Variants in DKK2 observed in about 807,000 individuals in gnomAD.
DKK2 encodes dickkopf-related protein 2.
A neutral mutation model predicts 28.1 loss-of-function variants in DKK2; 11 were observed. The ratio of observed to expected loss-of-function variants is 0.39; its 90% CI spans 0.25 to 0.65. DKK2 has a LOEUF of 0.65. DKK2 is among the 30% of genes least tolerant of loss of function. The probability of loss-of-function intolerance (pLI) is 0.47; values close to 1 mark genes in which losing one functional copy is unlikely to be tolerated. For synonymous variants in DKK2, 135 were observed against 126.5 expected (o/e 1.07, Z -0.45); for missense variants, 326 against 335.5 (o/e 0.97, Z 0.22).
intron 1 of DKK2, among the ~76,000 whole-genome samples, chr4:107,020,756 T>C (rs1041476079): frequency 4.6e-5 from 7 of 151,994 alleles, no homozygotes; most frequent in African/African-American, 1.5e-4. Context: ...AAATAATTTT[T>C]GACAGGCTTT....
intron 1 of DKK2, among the ~76,000 whole-genome samples, chr4:106,973,138 A>T (rs1414156205): frequency 6.6e-6 from 1 of 152,150 alleles, no homozygotes; most frequent in African/African-American, 2.4e-5. Flanking sequence ...CCACTCTATC[A>T]TTGATGGGCA....
At chr4:106,948,560 G>T (rs116265277) in intron 1 of DKK2, among the ~76,000 whole-genome samples, 13 of 152,250 alleles carry the variant, frequency 8.5e-5, no homozygotes, top group African/African-American at 3.1e-4. Flanking sequence ...AAAAGAGTTT[G>T]CCAGCTTAAA....
chr4:106,996,136 A>G lies in DKK2; in HGVS notation c.222+39234T>C, dbSNP rs1270024187. 4.2e-4 allele frequency among the ~76,000 whole-genome samples: 64 copies of G among 152,234 alleles called. 1 individual carries two copies. Among genetic ancestry groups the G allele is most frequent in the Admixed American group, 4.2e-3 (64 of 15,278 alleles). ...TGCAATGAAAGTCAAAGAGAATTGT[A>G]TTGACAATGTATATTTGTCATTCTG... is the stretch of plus-strand genomic sequence containing the variant. On this transcript the variant is annotated intron_variant, in intron 1 of 3. Transcript: ENST00000285311.
Position 106,924,527 on chromosome 4 carries a change from A to C in DKK2, c.529+18T>G, listed in dbSNP as rs764026579. 1.3e-5 allele frequency: 21 copies of C among 1,609,620 alleles called. No homozygotes were observed. Among genetic ancestry groups the C allele is most frequent in the Admixed American group, 3.4e-5 (2 of 59,274 alleles). ...TTTCTTTATTTTAAAAAAACCCCAG[A>C]ACTACAGATATCCCTACCTTTTATA... On this transcript the variant is annotated intron_variant, in intron 3 of 3. Coordinates refer to ENST00000285311, the MANE Select transcript of DKK2 (RefSeq NM_014421.3).
chr4:106,980,831 ACAATCTATAAAGGGTAGTC>A (rs1723016684), intron 1 of DKK2, among the ~76,000 whole-genome samples: 1 of 152,208 alleles, frequency 6.6e-6, no homozygotes, highest in Non-Finnish European at 1.5e-5. Context: ...TGGAGAATGA[ACAATCTATAAAGGGTAGTC>A]CAATCCACCA....
chr4:107,035,279 G>A (rs1376639930), intron 1 of DKK2, 91 bp downstream of exon 1: 12 of 1,443,524 alleles, frequency 8.3e-6, no homozygotes, highest in East Asian at 2.3e-5. Context: ...GCCACGCTCC[G>A]AATGTTGCAA....
rs774248896 is a variant in DKK2 at position 106,925,836 on chromosome 4, T to C, written c.336A>G (p.Arg112=). The part of the protein sequence containing the change: ...VCRRKKKRCH[R]DGMCCPSTRC... Reference sequence around the variant, plus strand: ...GGGTACTGGGGCAGCACATGCCATCTCGGTGGCAGCGCTTCTTTTTTCTCC... The same window carrying C: ...GGGTACTGGGGCAGCACATGCCATCCCGGTGGCAGCGCTTCTTTTTTCTCC... Residue 112 remains arginine, a synonymous_variant, in exon 2 of 4, where the codon CGA becomes CGG. Coordinates refer to ENST00000285311, the MANE Select transcript of DKK2 (RefSeq NM_014421.3). 6 of 1,613,530 alleles carry C rather than the reference T, an allele frequency of 3.7e-6. No homozygotes were observed. In the South Asian group the frequency reaches 6.6e-5, roughly 18 times the overall value.
At chr4:106,959,302 G>A (rs891463181) in intron 1 of DKK2, among the ~76,000 whole-genome samples, 3 of 152,000 alleles carry the variant, frequency 2.0e-5, no homozygotes, top group Admixed American at 6.6e-5. Context: ...TTTTATGAGC[G>A]CCTGATTGCC....
chr4:106,924,543 A>G lies in DKK2; in HGVS notation c.529+2T>C. The stretch of plus-strand genomic sequence containing the variant: ...AAACCCCAGAACTACAGATATCCCT[A>G]CCTTTTATATGTGACATCTTAGTGT... On this transcript the variant is annotated splice_donor_variant, in intron 3 of 3. Coordinates refer to ENST00000285311, the MANE Select transcript of DKK2 (RefSeq NM_014421.3). LOFTEE classifies it high-confidence loss of function. 7 of 1,612,868 alleles carry G rather than the reference A, an allele frequency of 4.3e-6. No individual in the cohort carries two copies. The highest frequency in any genetic ancestry group is 5.9e-6 in the Non-Finnish European group (7 of 1,179,312).
At position 107,019,113 on chromosome 4, in the gene DKK2, GT is replaced by G. The variant is rs1723654019; in HGVS notation, c.222+16256del. On this transcript the variant is annotated intron_variant, in intron 1 of 3. Coordinates refer to ENST00000285311, the MANE Select transcript of DKK2 (RefSeq NM_014421.3). The stretch of plus-strand genomic sequence containing the variant: ...ACGAGAAGATAAGAACTTCAACAAC[GT>G]TTCCAGAGTTTACGGGCACGGCTGT... 5.9e-5 allele frequency among the ~76,000 whole-genome samples: 9 copies of G among 151,994 alleles called. 1 individual carries two copies. The highest frequency in any genetic ancestry group is 5.9e-4 in the Admixed American group (9 of 15,250).
At chr4:106,998,425 C>G (rs1231902881) in intron 1 of DKK2, among the ~76,000 whole-genome samples, 1 of 152,110 alleles carries the variant, frequency 6.6e-6, no homozygotes, top group Non-Finnish European at 1.5e-5. Context: ...ATCTATCTTC[C>G]TTTACTCCCA....
chr4:106,927,025 AT>A (rs1460780666), intron 1 of DKK2, among the ~76,000 whole-genome samples: 48 of 152,106 alleles, frequency 3.2e-4, no homozygotes, highest in African/African-American at 1.2e-3. Context: ...TTTGAAGTTG[AT>A]ATTTTTCTCA....
chr4:107,019,089 C>T (rs746328988), intron 1 of DKK2, among the ~76,000 whole-genome samples: 4 of 151,908 alleles, frequency 2.6e-5, no homozygotes, highest in African/African-American at 7.3e-5. Flanking sequence ...TCCTCAGAAA[C>T]GAGAAGATAA....
At chr4:107,008,289 A>T (rs1723466429) in intron 1 of DKK2, among the ~76,000 whole-genome samples, 1 of 152,108 alleles carries the variant, frequency 6.6e-6, no homozygotes, top group African/African-American at 2.4e-5. Context: ...TGGGTGTATG[A>T]TGGTGAAAAA....
In DKK2 at chr4:106,925,832, C is replaced by T; in HGVS notation, c.340G>A (p.Gly114Ser). The T allele has an allele frequency of 6.2e-7, 1 of 1,611,656 alleles. No homozygotes were observed. Among genetic ancestry groups the T allele is most frequent in the Non-Finnish European group, 8.5e-7 (1 of 1,179,130 alleles). The stretch of plus-strand genomic sequence containing the variant: ...CAGCGGGTACTGGGGCAGCACATGC[C>T]ATCTCGGTGGCAGCGCTTCTTTTTT... ...RRKKKRCHRD[G>S]MCCPSTRCNN... Residue 114 changes from glycine to serine, a missense_variant, in exon 2 of 4, where the codon GGC becomes AGC. Physicochemically the swap from Gly to Ser is moderately conservative, Grantham distance 56 (BLOSUM62 0). Transcript: ENST00000285311.
intron 1 of DKK2, among the ~76,000 whole-genome samples, chr4:106,956,550 G>A (rs1023764731): frequency 6.4e-4 from 98 of 152,168 alleles, no homozygotes; most frequent in South Asian, 1.9e-3. Flanking sequence ...TTACCAAAAC[G>A]GAGATATAGA....
At chr4:106,929,522 T>C (rs1475318809) in intron 1 of DKK2, among the ~76,000 whole-genome samples, 1 of 152,176 alleles carries the variant, frequency 6.6e-6, no homozygotes. Flanking sequence ...CACCTAATAA[T>C]AGCAAACGAT....
At chr4:106,957,662 C>G (rs1305279399) in intron 1 of DKK2, among the ~76,000 whole-genome samples, 2 of 144,334 alleles carry the variant, frequency 1.4e-5, no homozygotes, top group Non-Finnish European at 3.0e-5. Flanking sequence ...GACAAAAAAC[C>G]AAACACCACA....
Position 106,989,521 on chromosome 4 carries a change from C to T in DKK2, c.222+45849G>A, listed in dbSNP as rs934199350. ...TAGCTACTTCACTATATTAATATTT[C>T]CTTCCATTCAGGGAACATTTTTCAG... On this transcript the variant is annotated intron_variant, in intron 1 of 3. Transcript: ENST00000285311. Among the ~76,000 whole-genome samples the T allele has an allele frequency of 3.7e-4, 57 of 152,272 alleles. 1 individual carries two copies. The highest frequency in any genetic ancestry group is 6.8e-3 in the Middle Eastern group (2 of 294).
Sources: allele counts gnomAD v4.1 joint callset (sites outside exome capture counted in the v4.1 genomes callset), GRCh38; gene constraint gnomAD v4.1.1; transcripts MANE v1.5; gene names NCBI Gene and HGNC (gene_info 2026-07-23, HGNC 2026-07-21).